Variants in CSMD1 observed in about 807,000 individuals in gnomAD.
CSMD1 encodes CUB and sushi domain-containing protein 1.
CSMD1 carries 213 observed loss-of-function variants against 417.5 expected under a neutral mutation model. The ratio of observed to expected loss-of-function variants is 0.51; its 90% CI spans 0.46 to 0.57. CSMD1 has a LOEUF of 0.57. CSMD1 is among the 20% of genes least tolerant of loss of function. The pLI is 0.00. For synonymous variants in CSMD1, 2,862 were observed against 1,736.8 expected, an observed-to-expected ratio of 1.65 and a Z score of -16.11; for missense variants, 6,923 against 4,529.7, an observed-to-expected ratio of 1.53 and a Z score of -15.17.
intron 5 of CSMD1, among the ~76,000 whole-genome samples, chr8:3,825,667 T>C (rs994756643): frequency 6.6e-6 from 1 of 152,140 alleles, no homozygotes; most frequent in African/African-American, 2.4e-5. Flanking sequence ...GGCCAAGTTT[T>C]ACTCTCTAGG....
chr8:3,358,208 G>C (rs941865567), intron 21 of CSMD1, among the ~76,000 whole-genome samples: 1 of 152,184 alleles, frequency 6.6e-6, no homozygotes, highest in Non-Finnish European at 1.5e-5. Flanking sequence ...AATTAGTGTG[G>C]TTCGTATTCT....
intron 41 of CSMD1, among the ~76,000 whole-genome samples, chr8:3,137,635 C>G (rs1023678353): frequency 6.6e-6 from 1 of 152,200 alleles, no homozygotes; most frequent in African/African-American, 2.4e-5. Flanking sequence ...TAAGCACACT[C>G]TCTTGTATAC....
intron 3 of CSMD1, among the ~76,000 whole-genome samples, chr8:4,067,562 A>G (rs1186805520): frequency 7.2e-5 from 11 of 152,296 alleles, no homozygotes; most frequent in East Asian, 1.9e-4. Context: ...TAAAGCCAGA[A>G]TAAGTTTCAA....
At chr8:3,859,366 A>T (rs372196075) in intron 5 of CSMD1, among the ~76,000 whole-genome samples, 2 of 152,208 alleles carry the variant, frequency 1.3e-5, no homozygotes, top group African/African-American at 2.4e-5. Context: ...AGGTCCAGAA[A>T]TACTTCTTTT....
intron 7 of CSMD1, among the ~76,000 whole-genome samples, chr8:3,683,129 TG>T (rs1267452577): frequency 6.6e-6 from 1 of 152,062 alleles, no homozygotes; most frequent in African/African-American, 2.4e-5. Flanking sequence ...CACACCAACA[TG>T]GCACATGTAT....
At chr8:4,289,379 T>A (rs905430752) in intron 3 of CSMD1, among the ~76,000 whole-genome samples, 1 of 144,740 alleles carries the variant, frequency 6.9e-6, no homozygotes, top group African/African-American at 2.5e-5. Context: ...TAGATTAACA[T>A]CGATCAATTA....
intron 6 of CSMD1, among the ~76,000 whole-genome samples, chr8:3,713,586 T>C (rs1445077104): frequency 6.6e-6 from 1 of 152,280 alleles, no homozygotes. Flanking sequence ...AACCAAGTCG[T>C]ATCTTCTGCT....
intron 7 of CSMD1, among the ~76,000 whole-genome samples, chr8:3,655,362 G>A (rs558629192): frequency 3.6e-4 from 55 of 152,226 alleles, no homozygotes; most frequent in African/African-American, 1.3e-3. Context: ...CAGCGAATTT[G>A]GCAGTGATTT....
At chr8:3,299,954 A>G (rs1563244200) in intron 25 of CSMD1, among the ~76,000 whole-genome samples, 2 of 152,194 alleles carry the variant, frequency 1.3e-5, no homozygotes, top group African/African-American at 4.8e-5. Flanking sequence ...GAAATGTGCA[A>G]ACATAGCAAA....
chr8:3,904,142 T>C (rs1807951814), intron 5 of CSMD1, among the ~76,000 whole-genome samples: 1 of 151,662 alleles, frequency 6.6e-6, no homozygotes, highest in Non-Finnish European at 1.5e-5. Flanking sequence ...TATATTTGGA[T>C]AAATATTATT....
intron 2 of CSMD1, among the ~76,000 whole-genome samples, chr8:4,572,497 G>A: frequency 6.6e-6 from 1 of 152,208 alleles, no homozygotes; most frequent in South Asian, 2.1e-4. Flanking sequence ...CTGTTAGTCT[G>A]ACGGGCTTGC....
intron 5 of CSMD1, among the ~76,000 whole-genome samples, chr8:3,770,626 C>G (rs1376294121): frequency 6.6e-6 from 1 of 152,216 alleles, no homozygotes; most frequent in Non-Finnish European, 1.5e-5. Flanking sequence ...GAAGAAGGGT[C>G]TGAAAGGAAA....
chr8:4,271,111 T>G (rs1804564434), intron 3 of CSMD1, among the ~76,000 whole-genome samples: 3 of 152,234 alleles, frequency 2.0e-5, no homozygotes, highest in Admixed American at 1.3e-4. Flanking sequence ...CTTTTATTAT[T>G]TCCTCATTCT....
At chr8:4,417,346 A>G (rs922560670) in intron 3 of CSMD1, among the ~76,000 whole-genome samples, 19 of 152,034 alleles carry the variant, frequency 1.2e-4, no homozygotes, top group African/African-American at 4.1e-4. Flanking sequence ...ATTCCAAAGT[A>G]CTGCCAGACA....
At chr8:4,869,000 T>C (rs7829280) in intron 1 of CSMD1, among the ~76,000 whole-genome samples, 2,997 of 151,976 alleles carry the variant, frequency 0.02, 121 homozygotes, top group African/African-American at 0.067. Context: ...ATAAAGATAA[T>C]ATATATACAT....
chr8:3,401,221 T>TCA (rs1812020451), intron 15 of CSMD1, among the ~76,000 whole-genome samples: 4 of 152,084 alleles, frequency 2.6e-5, no homozygotes, highest in African/African-American at 9.7e-5. Context: ...AAAAAAATTA[T>TCA]GATAGTTGAG....
chr8:3,025,917 A>C (rs980755113), intron 51 of CSMD1, among the ~76,000 whole-genome samples: 1 of 152,204 alleles, frequency 6.6e-6, no homozygotes, highest in African/African-American at 2.4e-5. Flanking sequence ...AAATAATAAT[A>C]GTTTTTAATG....
intron 2 of CSMD1, among the ~76,000 whole-genome samples, chr8:4,587,748 G>C (rs975130213): frequency 1.3e-5 from 2 of 152,160 alleles, no homozygotes; most frequent in Non-Finnish European, 2.9e-5. Flanking sequence ...TTAAGACTTT[G>C]CATTTATAGT....
intron 3 of CSMD1, among the ~76,000 whole-genome samples, chr8:4,178,256 G>C (rs962513310): frequency 1.3e-5 from 2 of 151,912 alleles, no homozygotes; most frequent in African/African-American, 2.4e-5. Context: ...TTCATCCCTG[G>C]GATGCAAGGC....
Sources: allele counts gnomAD v4.1 joint callset (sites outside exome capture counted in the v4.1 genomes callset), GRCh38; gene constraint gnomAD v4.1.1; transcripts MANE v1.5; gene names NCBI Gene and HGNC (gene_info 2026-07-23, HGNC 2026-07-21).